Variants in C6 observed in about 807,000 individuals in gnomAD.
C6 encodes the protein complement component C6.
C6 carries 101 observed loss-of-function variants against 112.9 expected under a neutral mutation model. The ratio of observed to expected loss-of-function variants is 0.89; its 90% CI spans 0.76 to 1.06. The LOEUF (loss-of-function observed/expected upper bound fraction) is 1.06. Among genes scored for constraint, C6 ranks in the 50% least tolerant of loss-of-function variants. The probability of loss-of-function intolerance (pLI) is 0.00; values close to 1 mark genes in which losing one functional copy is unlikely to be tolerated. For synonymous variants in C6, 431 were observed against 384.1 expected (o/e 1.12, Z -1.43); for missense variants, 1,202 against 1,104.6 (o/e 1.09, Z -1.25).
At chr5:41,206,063 G>A (rs916347124) in intron 1 of C6, among the ~76,000 whole-genome samples, 2 of 152,188 alleles carry the variant, frequency 1.3e-5, no homozygotes, top group Non-Finnish European at 2.9e-5. Context: ...GTTCTGCAGT[G>A]TGGGCTGTTC....
chr5:41,148,924 C>T (rs745342953), intron 17 of C6, among the ~76,000 whole-genome samples: 11 of 152,154 alleles, frequency 7.2e-5, no homozygotes, highest in Non-Finnish European at 1.6e-4. Context: ...GGTGAAGGCC[C>T]TCCAAAGCTG....
chr5:41,257,991 C>A (rs1460898517), intron 1 of C6, among the ~76,000 whole-genome samples: 1 of 152,022 alleles, frequency 6.6e-6, no homozygotes, highest in Non-Finnish European at 1.5e-5. Flanking sequence ...AATCTTTTTA[C>A]ATAATTAACT....
At chr5:41,159,421 C>G (rs1747257856) in intron 11 of C6, 168 bp from the exon 12 acceptor site, 1 of 983,334 alleles carries the variant, frequency 1.0e-6, no homozygotes, top group Non-Finnish European at 1.2e-6. Flanking sequence ...GGGCCTGACA[C>G]ATTGCCTGAT....
Position 41,142,627 on chromosome 5 carries a change from G to T in C6, c.*198C>A, listed in dbSNP as rs767113481. ...GGTACCTAGGGGTATGCTACAGGGC[G>T]TCATGAGCTGGAACTGAATAAGACA... On this transcript the variant is annotated 3_prime_UTR_variant, in exon 18 of 18. Transcript: ENST00000337836. The T allele has an allele frequency of 6.6e-6, 4 of 607,140 alleles. No homozygotes were observed. Among genetic ancestry groups the T allele is most frequent in the Middle Eastern group, 4.4e-4 (1 of 2,260 alleles). 37.6% of individuals were successfully genotyped at this position (607,140 alleles called of 1,614,324 possible).
intron 1 of C6, among the ~76,000 whole-genome samples, chr5:41,233,253 T>C (rs972641011): frequency 3.3e-5 from 5 of 152,256 alleles, no homozygotes; most frequent in African/African-American, 9.6e-5. Context: ...CTCATTCTGG[T>C]CATTATCAAA....
chr5:41,201,670 T>C lies in C6; in HGVS notation c.188A>G (p.Gln63Arg). Residue 63 changes from glutamine to arginine, a missense_variant, in exon 3 of 18, where the codon CAG becomes CGG. Coordinates refer to ENST00000337836, the MANE Select transcript of C6 (RefSeq NM_000065.5). Reference protein sequence around the residue: ...DKYYQENFCEQICSKQETREC... With the variant: ...DKYYQENFCERICSKQETREC... ...TCTAGTCTCCTGCTTGCTGCAAATCTGTTCACAAAAGTTTTCCTGGTAGTA... is the reference window on the plus strand; with the variant it reads ...TCTAGTCTCCTGCTTGCTGCAAATCCGTTCACAAAAGTTTTCCTGGTAGTA... The C allele has an allele frequency of 1.2e-6, 2 of 1,613,786 alleles. No homozygotes were observed. The highest frequency in any genetic ancestry group is 1.1e-5 in the South Asian group (1 of 91,070).
intron 4 of C6, among the ~76,000 whole-genome samples, 169 bp from the exon 5 acceptor site, chr5:41,196,102 A>G (rs1750598259): frequency 1.3e-5 from 2 of 152,146 alleles, no homozygotes; most frequent in African/African-American, 2.4e-5. Context: ...AAACTGATAA[A>G]TTTCCACTTG....
chr5:41,183,044 C>A (rs1749475426), intron 6 of C6, among the ~76,000 whole-genome samples: 1 of 152,220 alleles, frequency 6.6e-6, no homozygotes, highest in African/African-American at 2.4e-5. Flanking sequence ...ACAACTAGCT[C>A]TCTGGGAAGG....
chr5:41,221,451 C>T (rs1465473579), intron 1 of C6, among the ~76,000 whole-genome samples: 3 of 152,224 alleles, frequency 2.0e-5, no homozygotes, highest in South Asian at 4.2e-4. Context: ...TCTCCTGTGT[C>T]GTTTTCATGG....
intron 11 of C6, among the ~76,000 whole-genome samples, 182 bp downstream of exon 11, chr5:41,159,960 C>T (rs1279367371): frequency 6.6e-6 from 1 of 151,992 alleles, no homozygotes; most frequent in African/African-American, 2.4e-5. Flanking sequence ...GGTAACTTTC[C>T]CAAGCTCACA....
chr5:41,193,115 A>G (rs1750344681), intron 5 of C6, among the ~76,000 whole-genome samples: 1 of 152,228 alleles, frequency 6.6e-6, no homozygotes, highest in Non-Finnish European at 1.5e-5. Flanking sequence ...ATATTCAAAT[A>G]GCTGAAAGCA....
chr5:41,148,666 C>T (rs767529863), intron 17 of C6, among the ~76,000 whole-genome samples: 4 of 152,144 alleles, frequency 2.6e-5, no homozygotes, highest in Non-Finnish European at 5.9e-5. Flanking sequence ...GCTGACCCCA[C>T]GCATGGTGGG....
intron 6 of C6, among the ~76,000 whole-genome samples, chr5:41,182,777 ATT>A (rs1233183134): frequency 6.6e-6 from 1 of 152,214 alleles, no homozygotes; most frequent in African/African-American, 2.4e-5. Context: ...TCATTCCCAA[ATT>A]TTTGTTTGAA....
At chr5:41,234,096 A>G (rs1290906956) in intron 1 of C6, among the ~76,000 whole-genome samples, 1 of 152,096 alleles carries the variant, frequency 6.6e-6, no homozygotes. Flanking sequence ...TTACAAAACA[A>G]ATTATATAAT....
At chr5:41,203,583 TCAAA>T in intron 1 of C6, 68 of 278,872 alleles carry the variant, frequency 2.4e-4, no homozygotes, top group Admixed American at 5.0e-4. Context: ...CTTACCCTTC[TCAAA>T]ACACCTGCTC....
intron 1 of C6, among the ~76,000 whole-genome samples, chr5:41,260,465 A>G (rs1741984572): frequency 6.9e-6 from 1 of 144,496 alleles, no homozygotes; most frequent in African/African-American, 2.5e-5. Context: ...CCCAAAACAA[A>G]CAAACAAATA....
chr5:41,240,111 C>T (rs1312523723), intron 1 of C6, among the ~76,000 whole-genome samples: 1 of 152,126 alleles, frequency 6.6e-6, no homozygotes, highest in Non-Finnish European at 1.5e-5. Context: ...ATCTGGATTT[C>T]TAAATCTCTT....
rs2150323343 is a variant in C6 at position 41,181,496 on chromosome 5, T to G, written c.790A>C (p.Asn264His). The change falls in exon 7 of 18, where the codon AAT becomes CAT. Residue 264 changes from asparagine (N) to histidine (H), a missense_variant. Physicochemically the swap from Asn to His is moderately conservative, Grantham distance 68 (BLOSUM62 1). Transcript: ENST00000337836. ...GAGAATGAGCCTTGTTGATTTTCAT[T>G]GTGTCCAAGAGAAGTTAAATCCTTG... ...FYKDLTSLGH[N>H]ENQQGSFSSQ... The G allele has an allele frequency of 1.9e-6, 3 of 1,613,804 alleles. No homozygotes were observed. The highest frequency in any genetic ancestry group is 2.5e-6 in the Non-Finnish European group (3 of 1,179,850).
chr5:41,202,092 G>C (rs567113277), intron 2 of C6, among the ~76,000 whole-genome samples: 1 of 152,272 alleles, frequency 6.6e-6, no homozygotes, highest in South Asian at 2.1e-4. Context: ...GATGAAAGGA[G>C]AGAAAGATCC....
Sources: allele counts gnomAD v4.1 joint callset (sites outside exome capture counted in the v4.1 genomes callset), GRCh38; gene constraint gnomAD v4.1.1; transcripts MANE v1.5; gene names NCBI Gene and HGNC (gene_info 2026-07-23, HGNC 2026-07-21).